DCP1B: variants seen among roughly 807,000 people sequenced by gnomAD.
The protein encoded by DCP1B is mRNA-decapping enzyme 1B.
Under a neutral mutation model 60.5 loss-of-function variants are expected in DCP1B, and 47 were observed. The observed-to-expected ratio is 0.78, with a 90% CI of 0.61 to 0.99. DCP1B has a LOEUF of 0.99. DCP1B is among the 50% of genes least tolerant of loss of function. The pLI is 0.00. For synonymous variants in DCP1B, 267 were observed against 280.3 expected, an observed-to-expected ratio of 0.95 and a Z score of 0.47; for missense variants, 725 against 756.8, an observed-to-expected ratio of 0.96 and a Z score of 0.49.
In DCP1B at chr12:1,976,871, A is replaced by G. The variant is rs998547935; in HGVS notation, c.320-8961T>C. On this transcript the variant is annotated intron_variant, in intron 3 of 8. Coordinates refer to ENST00000280665, the MANE Select transcript of DCP1B (RefSeq NM_152640.5). Reference sequence around the variant, plus strand: ...GAGAGGGAGGGAGGGAGGGGGAGGAAGGAAAGTAGGAAGTAAAGAAGGAAG... The same window carrying G: ...GAGAGGGAGGGAGGGAGGGGGAGGAGGGAAAGTAGGAAGTAAAGAAGGAAG... Among the ~76,000 whole-genome samples, 4 of 152,020 alleles carry G rather than the reference A, an allele frequency of 2.6e-5. No individual in the cohort carries two copies. The East Asian group carries it at 7.8e-4, about 29-fold the overall frequency.
chr12:1,996,743 C>T (rs557541448), intron 2 of DCP1B, among the ~76,000 whole-genome samples: 1 of 148,690 alleles, frequency 6.7e-6, no homozygotes, highest in Non-Finnish European at 1.5e-5. Flanking sequence ...TCCTATGGGC[C>T]GTGGGTTGGA....
intron 1 of DCP1B, among the ~76,000 whole-genome samples, chr12:1,999,581 C>T (rs1352824385): frequency 6.6e-6 from 1 of 151,794 alleles, no homozygotes; most frequent in Non-Finnish European, 1.5e-5. Flanking sequence ...TTTTAATTAG[C>T]CAGGTGTGGT....
In DCP1B at chr12:1,949,091, T is replaced by G. The variant is rs376130978; in HGVS notation, c.1768A>C (p.Ile590Leu). 6.2e-7 allele frequency: 1 copy of G among 1,611,906 alleles called. No homozygotes were observed. Among genetic ancestry groups the G allele is most frequent in the East Asian group, 2.2e-5 (1 of 44,774 alleles). ...LQLQEALLYL[I>L]QNDDNFLNII... ...GAGATGACGTGCTTGCTTACCTGAATGAGGTACAGCAGTGCCTCCTGGAGC... is the reference window on the plus strand; with the variant it reads ...GAGATGACGTGCTTGCTTACCTGAAGGAGGTACAGCAGTGCCTCCTGGAGC... The change falls in exon 8 of 9, where the codon ATT (isoleucine) becomes CTT (leucine). Residue 590 changes from isoleucine to leucine, a missense_variant. Physicochemically the swap from Ile to Leu is conservative, Grantham distance 5. Coordinates refer to ENST00000280665, the MANE Select transcript of DCP1B (RefSeq NM_152640.5).
chr12:2,002,365 GTCTC>G (rs1322264662), intron 1 of DCP1B, among the ~76,000 whole-genome samples: 1 of 152,200 alleles, frequency 6.6e-6, no homozygotes, highest in Non-Finnish European at 1.5e-5. Context: ...GTTGAACTAG[GTCTC>G]TCTGTTTTTC....
chr12:1,950,194 C>T (rs2030611272), intron 7 of DCP1B: 2 of 608,804 alleles, frequency 3.3e-6, no homozygotes, highest in African/African-American at 1.8e-5. Context: ...AATCCCTTAG[C>T]GTCTCTTTGA....
chr12:1,960,776 T>C (rs938600033), intron 5 of DCP1B, among the ~76,000 whole-genome samples: 2 of 152,218 alleles, frequency 1.3e-5, no homozygotes, highest in Admixed American at 6.5e-5. Context: ...ACAAGCCAAA[T>C]TCTTTTATCA....
chr12:1,955,625 A>G, intron 5 of DCP1B, 65 bp from the exon 6 acceptor site: 1 of 1,528,486 alleles, frequency 6.5e-7, no homozygotes, highest in Non-Finnish European at 8.8e-7. Context: ...TTAAAAGACT[A>G]CCTTTTTACT....
chr12:1,963,629 T>A (rs1039850777), intron 5 of DCP1B, among the ~76,000 whole-genome samples: 1 of 152,242 alleles, frequency 6.6e-6, no homozygotes, highest in Non-Finnish European at 1.5e-5. Context: ...GATGTTAGAA[T>A]GTGGTGCTCT....
At chr12:1,975,500 G>A (rs751207793) in intron 3 of DCP1B, among the ~76,000 whole-genome samples, 1 of 152,092 alleles carries the variant, frequency 6.6e-6, no homozygotes, top group African/African-American at 2.4e-5. Flanking sequence ...ATAAAGGGTA[G>A]GGAAACTAAA....
chr12:1,996,634 AAAAAAAAAAAAAAAAAAAAAAC>A lies in DCP1B; in HGVS notation c.191+1279_191+1300del, dbSNP rs1374010406. Among the ~76,000 whole-genome samples the A allele has an allele frequency of 3.2e-4, 39 of 122,512 alleles. 1 individual carries two copies. The highest frequency in any genetic ancestry group is 1.1e-3 in the African/African-American group (32 of 29,246). The allele number at this position is 122,512 out of a possible 152,430, so 80.4% of individuals were successfully genotyped here. ...GATGAGCTAAAAAAAAAAAAAAAAAAAAAAAAAAAAAAAAAAAAAAACAACAAACTCTTCTAATGTTTTAAAG... is the reference window on the plus strand; with the variant it reads ...GATGAGCTAAAAAAAAAAAAAAAAAAAACAAACTCTTCTAATGTTTTAAAG... On this transcript the variant is annotated intron_variant, in intron 2 of 8. Transcript: ENST00000280665.
rs1041081995 is a variant in DCP1B, at chr12:1,953,373, A to T, written c.652-85T>A. 2.2e-5 allele frequency: 30 copies of T among 1,370,972 alleles called. No individual in the cohort carries two copies. The Admixed American group carries it at 7.3e-4, about 33-fold the overall frequency. 84.9% of individuals were successfully genotyped at this position (1,370,972 alleles called of 1,614,324 possible). ...GCTATGAAACATAACTTATCTGATG[A>T]CTTATTCTATTTACAAAGGATTGAT... On this transcript the variant is annotated intron_variant, in intron 6 of 8. Transcript: ENST00000280665.
intron 8 of DCP1B, among the ~76,000 whole-genome samples, chr12:1,947,123 C>G (rs1261196762): frequency 1.3e-5 from 2 of 152,204 alleles, no homozygotes; most frequent in African/African-American, 4.8e-5. Flanking sequence ...TGGAAAGTTT[C>G]TAGCCTTGGC....
intron 5 of DCP1B, 78 bp downstream of exon 5, chr12:1,965,480 A>G: frequency 6.8e-7 from 1 of 1,466,978 alleles, no homozygotes; most frequent in Non-Finnish European, 9.1e-7. Flanking sequence ...CATCCACAGT[A>G]CCTAGTCTTG....
At chr12:1,975,462 A>G (rs2034035199) in intron 3 of DCP1B, among the ~76,000 whole-genome samples, 1 of 152,184 alleles carries the variant, frequency 6.6e-6, no homozygotes, top group Non-Finnish European at 1.5e-5. Flanking sequence ...AATACACATT[A>G]TATAGCCATA....
chr12:1,956,489 C>G (rs923886952), intron 5 of DCP1B, among the ~76,000 whole-genome samples: 1 of 152,188 alleles, frequency 6.6e-6, no homozygotes, highest in African/African-American at 2.4e-5. Flanking sequence ...AATGTGTATT[C>G]TCTAATCCAA....
intron 5 of DCP1B, among the ~76,000 whole-genome samples, chr12:1,963,593 T>A (rs926008197): frequency 2.2e-4 from 33 of 152,196 alleles, no homozygotes; most frequent in African/African-American, 7.7e-4. Context: ...TTCAATGTGG[T>A]TTAATCCATT....
At chr12:1,945,766 A>G (rs1376911948), downstream of DCP1B, among the ~76,000 whole-genome samples, 1 of 152,212 alleles carries the variant, frequency 6.6e-6, no homozygotes, top group African/African-American at 2.4e-5. Context: ...CATCATTCTC[A>G]GCAAACTAAC....
chr12:1,955,362 T>A, intron 6 of DCP1B, 70 bp downstream of exon 6: 1 of 1,524,626 alleles, frequency 6.6e-7, no homozygotes, highest in South Asian at 1.3e-5. Context: ...CTCCCCTGAC[T>A]ATATTCTGGG....
rs2041327537 is a variant in DCP1B at position 1,997,957 on chromosome 12, C to T, written c.169G>A (p.Gly57Arg). The T allele has an allele frequency of 1.1e-5, 18 of 1,608,358 alleles. No individual in the cohort carries two copies. Among genetic ancestry groups the T allele is most frequent in the East Asian group, 4.5e-5 (2 of 44,718 alleles). The part of the protein sequence containing the change: ...ANEWEKTDVE[G>R]TLFVYTRSAS... ...TACCTTGTATAAACAAATAAGGTTC[C>T]TTCCACATCAGTTTTCTCCTAAACA... Residue 57 changes from glycine (G) to arginine (R), a missense_variant, in exon 2 of 9, where the codon GGA (glycine) becomes AGA (arginine). By Grantham distance (125) the Gly-to-Arg change is moderately radical (BLOSUM62 -2). Coordinates refer to ENST00000280665, the MANE Select transcript of DCP1B (RefSeq NM_152640.5).
Sources: gnomAD v4.1 joint callset for allele counts (sites outside exome capture counted in the v4.1 genomes callset) on GRCh38, gnomAD v4.1.1 for gene constraint, MANE v1.5 for transcripts, NCBI Gene and HGNC (gene_info 2026-07-23, HGNC 2026-07-21) for gene names.